SETD5: variants seen among roughly 807,000 people sequenced by gnomAD.
The protein encoded by SETD5 is SET domain containing 5.
SETD5 carries 44 observed loss-of-function variants against 153.3 expected under a neutral mutation model. That is an observed-to-expected ratio of 0.29 (90% CI 0.23 to 0.37). The LOEUF (loss-of-function observed/expected upper bound fraction) is 0.37, where lower values mean the gene tolerates loss of function less well. Among genes scored for constraint, SETD5 ranks in the 10% least tolerant of loss-of-function variants. The pLI is 1.00. For missense variants in SETD5, 1,544 were observed against 1,768.0 expected (o/e 0.87, Z 2.27); for synonymous variants, 716 against 645.2 (o/e 1.11, Z -1.66).
rs190768429 is a variant in SETD5, at chr3:9,463,662, G to C, written c.2477-763G>C. The stretch of plus-strand genomic sequence containing the variant: ...TGCTTTTTAGGTAGAAAAGGGGCTA[G>C]ACATGGATCAAGGAATCATATAAGA... On this transcript the variant is annotated intron_variant, in intron 17 of 22. Transcript: ENST00000402198. Among the ~76,000 whole-genome samples the C allele has an allele frequency of 1.7e-3, 266 of 152,326 alleles. 1 individual carries two copies. The highest frequency in any genetic ancestry group is 2.6e-3 in the Non-Finnish European group (174 of 68,024).
At chr3:9,404,187 A>C (rs1157148260) in intron 1 of SETD5, among the ~76,000 whole-genome samples, 1 of 152,236 alleles carries the variant, frequency 6.6e-6, no homozygotes, top group Non-Finnish European at 1.5e-5. Flanking sequence ...TGCAACAATA[A>C]AGGGAACTGG....
Position 9,434,152 on chromosome 3 carries a change from A to G in SETD5, c.178-182A>G. ...GTTGACCTTGGCATTTTGTTTTATC[A>G]CTTTCCTGGTTGAAGCCAAAAAACA... On this transcript the variant is annotated intron_variant, in intron 4 of 22. Transcript: ENST00000402198. This position sits in a 1 kb window ranked among gnomAD's most constrained non-coding sequence, Gnocchi z 5.6. 1 of 1,548,102 alleles carries G rather than the reference A, an allele frequency of 6.5e-7. No individual in the cohort carries two copies. The highest frequency in any genetic ancestry group is 8.7e-7 in the Non-Finnish European group (1 of 1,147,128).
At chr3:9,452,954 A>G (rs1340105542) in intron 16 of SETD5, among the ~76,000 whole-genome samples, 1 of 152,158 alleles carries the variant, frequency 6.6e-6, no homozygotes, top group Non-Finnish European at 1.5e-5. Flanking sequence ...AATTACAGGT[A>G]AGAAATTTTC....
At chr3:9,465,131 G>A (rs2044403694) in intron 18 of SETD5, among the ~76,000 whole-genome samples, 3 of 152,154 alleles carry the variant, frequency 2.0e-5, no homozygotes, top group Admixed American at 2.0e-4. Flanking sequence ...TTTTCATTGT[G>A]GCCTTAGCAG....
chr3:9,416,164 G>T (rs2037419645), intron 1 of SETD5, among the ~76,000 whole-genome samples: 3 of 145,538 alleles, frequency 2.1e-5, no homozygotes, highest in Admixed American at 2.0e-4. Context: ...CTCAGAGTGG[G>T]TGAGCCTTTT....
At chr3:9,460,462 G>C (rs2043822562) in intron 17 of SETD5, among the ~76,000 whole-genome samples, 2 of 149,678 alleles carry the variant, frequency 1.3e-5, no homozygotes, top group Non-Finnish European at 3.0e-5. Flanking sequence ...GTATGAGCAT[G>C]GTCATTGAAT....
Position 9,447,112 on chromosome 3 carries a change from G to C in SETD5, c.1587G>C (p.Lys529Asn), listed in dbSNP as rs747177695. 6.2e-7 allele frequency: 1 copy of C among 1,610,794 alleles called. No homozygotes were observed. Among genetic ancestry groups the C allele is most frequent in the Non-Finnish European group, 8.5e-7 (1 of 1,177,744 alleles). ...MHAFENLEKR[K>N]KRRDQPLEQS... Reference sequence around the variant, plus strand: ...CTTTTGAAAACTTAGAGAAAAGAAAGAAGCGGCGGGATCAGCCCTTGGAAC... The same window carrying C: ...CTTTTGAAAACTTAGAGAAAAGAAACAAGCGGCGGGATCAGCCCTTGGAAC... Residue 529 changes from lysine (K) to asparagine (N), a missense_variant, in exon 14 of 23, where the codon AAG becomes AAC. Coordinates refer to ENST00000402198, the MANE Select transcript of SETD5 (RefSeq NM_001080517.3).
At chr3:9,460,045 C>T (rs1176727331) in intron 17 of SETD5, among the ~76,000 whole-genome samples, 1 of 151,440 alleles carries the variant, frequency 6.6e-6, no homozygotes, top group East Asian at 1.9e-4. Context: ...ATTACACCAA[C>T]CCCCTCCCCC....
chr3:9,446,387 T>TTTTGTGAGTTC (rs1182322489), intron 13 of SETD5, among the ~76,000 whole-genome samples: 2 of 152,018 alleles, frequency 1.3e-5, no homozygotes, highest in Non-Finnish European at 2.9e-5. Context: ...TTTTCTAGGT[T>TTTTGTGAGTTC]TTTGTGAGTT....
chr3:9,414,341 CTTAA>C (rs1255974948), intron 1 of SETD5, among the ~76,000 whole-genome samples: 1 of 152,144 alleles, frequency 6.6e-6, no homozygotes, highest in East Asian at 1.9e-4. Flanking sequence ...TTAAGAAATT[CTTAA>C]TTCATTGAAG....
Position 9,445,195 on chromosome 3 carries a change from A to G in SETD5, c.1335A>G (p.Arg445=), listed in dbSNP as rs1267570577. 2 of 1,613,790 alleles carry G rather than the reference A, an allele frequency of 1.2e-6. No individual in the cohort carries two copies. The highest frequency in any genetic ancestry group is 3.3e-5 in the Admixed American group (2 of 59,970). ...CAGAGACTAGACGTAGAAAAGCACG[A>G]CGGAAAGAGCTAGAGATGGAGCAGC... The part of the protein sequence containing the change: ...IGAETRRRKA[R]RKELEMEQQN... The change falls in exon 12 of 23, where the codon CGA becomes CGG. Residue 445 remains arginine (R), a synonymous_variant. Transcript: ENST00000402198.
intron 17 of SETD5, among the ~76,000 whole-genome samples, chr3:9,458,803 G>T (rs116499099): frequency 2.1e-3 from 319 of 152,064 alleles, no homozygotes; most frequent in African/African-American, 6.4e-3. Flanking sequence ...CCTAGTAGTC[G>T]TTCATTTGTT....
chr3:9,425,211 G>A (rs1050463312), intron 2 of SETD5, among the ~76,000 whole-genome samples: 9 of 151,794 alleles, frequency 5.9e-5, no homozygotes, highest in Non-Finnish European at 1.3e-4. Flanking sequence ...ACAGGCGTCC[G>A]CCATCGTGCC....
intron 1 of SETD5, among the ~76,000 whole-genome samples, chr3:9,413,890 A>C (rs1195856293): frequency 6.6e-6 from 1 of 151,310 alleles, no homozygotes; most frequent in East Asian, 1.9e-4. Flanking sequence ...CAATTTTCCT[A>C]CCTCAGCCTC....
rs546442010 is a variant in SETD5 at position 9,466,429 on chromosome 3, T to G, written c.2724+1757T>G. Among the ~76,000 whole-genome samples, 58 of 152,196 alleles carry G rather than the reference T, an allele frequency of 3.8e-4. 1 individual carries two copies. The highest frequency in any genetic ancestry group is 6.8e-3 in the Middle Eastern group (2 of 294). ...TGCAAATATAAAGTGGTTTTGGTTT[T>G]GTTTTGTTTTGTTTTTTTTAATTGG... On this transcript the variant is annotated intron_variant, in intron 18 of 22. Transcript: ENST00000402198.
intron 1 of SETD5, among the ~76,000 whole-genome samples, chr3:9,419,769 G>A (rs2038097071): frequency 6.6e-6 from 1 of 152,034 alleles, no homozygotes; most frequent in Non-Finnish European, 1.5e-5. Flanking sequence ...GAGAAATTTT[G>A]CTTAAATTAA....
At chr3:9,453,462 A>G (rs1335518695) in intron 16 of SETD5, among the ~76,000 whole-genome samples, 2 of 152,164 alleles carry the variant, frequency 1.3e-5, no homozygotes, top group African/African-American at 4.8e-5. Context: ...ACCATCCCAA[A>G]TGGTATGAAA....
chr3:9,447,318 A>G lies in SETD5; in HGVS notation c.1782+11A>G. Reference sequence around the variant, plus strand: ...TCTTCCCAAGCAGGGGTAAGAGTTGAAAAGACTTCAGCACTTAGACATCCT... The same window carrying G: ...TCTTCCCAAGCAGGGGTAAGAGTTGGAAAGACTTCAGCACTTAGACATCCT... On this transcript the variant is annotated intron_variant, in intron 14 of 22. Transcript: ENST00000402198. The G allele has an allele frequency of 1.2e-6, 2 of 1,605,954 alleles. No homozygotes were observed. The highest frequency in any genetic ancestry group is 1.7e-6 in the Non-Finnish European group (2 of 1,177,132).
chr3:9,455,428 A>T (rs1365854682), intron 17 of SETD5, among the ~76,000 whole-genome samples: 3 of 151,880 alleles, frequency 2.0e-5, no homozygotes, highest in Non-Finnish European at 4.4e-5. Context: ...TTTTTAAATT[A>T]TGGATTTAGT....
Sources: gnomAD v4.1 joint callset for allele counts (sites outside exome capture counted in the v4.1 genomes callset) on GRCh38, gnomAD v4.1.1 for gene constraint, Gnocchi (gnomAD v3.1) non-coding constraint, MANE v1.5 for transcripts, NCBI Gene and HGNC (gene_info 2026-07-23, HGNC 2026-07-21) for gene names.